The following WDR70 variants were observed in gnomAD, a reference collection of about 807,000 sequenced individuals.
The protein encoded by WDR70 is WD repeat-containing protein 70.
Under a neutral mutation model 88.6 loss-of-function variants are expected in WDR70, and 53 were observed. The ratio of observed to expected loss-of-function variants is 0.60; its 90% CI spans 0.48 to 0.75. The LOEUF is 0.75. Among genes scored for constraint, WDR70 ranks in the 30% least tolerant of loss-of-function variants. WDR70 has a pLI of 0.00. For missense variants in WDR70, 610 were observed against 823.2 expected (o/e 0.74, Z 3.17); for synonymous variants, 280 against 270.0 (o/e 1.04, Z -0.36).
chr5:37,699,643 C>T (rs1389125325), intron 11 of WDR70, among the ~76,000 whole-genome samples: 1 of 151,930 alleles, frequency 6.6e-6, no homozygotes, highest in Non-Finnish European at 1.5e-5. Context: ...AGATATGTAA[C>T]CTTTTTTTAA....
At chr5:37,602,194 T>C (rs1017425839) in intron 9 of WDR70, among the ~76,000 whole-genome samples, 2 of 151,998 alleles carry the variant, frequency 1.3e-5, no homozygotes, top group Non-Finnish European at 2.9e-5. Context: ...ATTCTGCACA[T>C]GTACCCCAGA....
intron 8 of WDR70, among the ~76,000 whole-genome samples, chr5:37,510,264 C>T (rs2112241158): frequency 6.6e-6 from 1 of 152,170 alleles, no homozygotes; most frequent in East Asian, 1.9e-4. Context: ...CTCCTCCATT[C>T]CTCCCTCAAC....
At chr5:37,703,163 T>TTC in intron 13 of WDR70, 76 bp downstream of exon 13, 1 of 1,550,962 alleles carries the variant, frequency 6.4e-7, no homozygotes, top group Non-Finnish European at 8.8e-7. Context: ...TTTTGTTTGT[T>TTC]AAGTAGAATA....
intron 8 of WDR70, among the ~76,000 whole-genome samples, chr5:37,494,872 A>G (rs1740169372): frequency 6.6e-6 from 1 of 152,258 alleles, no homozygotes; most frequent in Non-Finnish European, 1.5e-5. Context: ...TCCTTGATTT[A>G]TGCAAGCAAA....
intron 10 of WDR70, among the ~76,000 whole-genome samples, chr5:37,662,985 G>GT (rs1016127884): frequency 2.0e-5 from 3 of 152,154 alleles, no homozygotes; most frequent in African/African-American, 7.2e-5. Context: ...TTTTACATCT[G>GT]TTCCCACAAG....
chr5:37,514,754 C>G (rs1209743686), intron 8 of WDR70, among the ~76,000 whole-genome samples: 1 of 152,088 alleles, frequency 6.6e-6, no homozygotes, highest in Non-Finnish European at 1.5e-5. Flanking sequence ...CAGTGGCTCA[C>G]TCCTGTAATC....
chr5:37,588,730 C>T (rs1252434656), intron 9 of WDR70, among the ~76,000 whole-genome samples: 1 of 152,014 alleles, frequency 6.6e-6, no homozygotes, highest in Non-Finnish European at 1.5e-5. Context: ...GCATGCATTA[C>T]CACACCTGGC....
At chr5:37,722,038 G>A (rs1268764495) in intron 14 of WDR70, 1 of 152,180 alleles carries the variant, frequency 6.6e-6, no homozygotes, top group Non-Finnish European at 1.5e-5. Context: ...CTGAATAGAA[G>A]CAGACAGCCC....
intron 3 of WDR70, among the ~76,000 whole-genome samples, chr5:37,386,328 G>A (rs1003888541): frequency 1.1e-4 from 16 of 152,018 alleles, no homozygotes; most frequent in Admixed American, 3.9e-4. Flanking sequence ...TGGCTATGTC[G>A]GCTTTTTGTT....
At chr5:37,638,439 A>C (rs1745027600) in intron 10 of WDR70, among the ~76,000 whole-genome samples, 1 of 152,170 alleles carries the variant, frequency 6.6e-6, no homozygotes, top group South Asian at 2.1e-4. Flanking sequence ...AGCAGTACCT[A>C]CCTCCGGACT....
chr5:37,517,783 A>G (rs1378236493), intron 9 of WDR70, among the ~76,000 whole-genome samples: 1 of 151,048 alleles, frequency 6.6e-6, no homozygotes. Context: ...TAAAATGGGT[A>G]TCCATCTCCT....
At chr5:37,680,263 A>T (rs1746386828) in intron 10 of WDR70, among the ~76,000 whole-genome samples, 1 of 151,618 alleles carries the variant, frequency 6.6e-6, no homozygotes. Flanking sequence ...TTTTCTTGAA[A>T]ATTTGTTTAA....
intron 10 of WDR70, among the ~76,000 whole-genome samples, chr5:37,619,493 G>A (rs1300103056): frequency 6.6e-6 from 1 of 152,106 alleles, no homozygotes; most frequent in South Asian, 2.1e-4. Context: ...AGTGGACAAG[G>A]CCAAACATTA....
In WDR70 at chr5:37,658,060, C is replaced by A. The variant is rs532008503; in HGVS notation, c.1093-39595C>A. On this transcript the variant is annotated intron_variant, in intron 10 of 17. Transcript: ENST00000265107. ...AGTAAAGTAAGTAAAGTAAAGTAAG[C>A]TAAATGTTACTGTCATTAAGAAAAT... 4.0e-4 allele frequency among the ~76,000 whole-genome samples: 61 copies of A among 152,108 alleles called. 1 individual carries two copies. Among genetic ancestry groups the A allele is most frequent in the African/African-American group, 1.5e-3 (61 of 41,510 alleles).
chr5:37,551,073 G>T (rs1742129572), intron 9 of WDR70, among the ~76,000 whole-genome samples: 1 of 152,056 alleles, frequency 6.6e-6, no homozygotes, highest in Non-Finnish European at 1.5e-5. Flanking sequence ...GGGAGGCGAG[G>T]CAGGTGGATC....
At chr5:37,387,570 T>G (rs570118576) in intron 3 of WDR70, among the ~76,000 whole-genome samples, 9 of 152,252 alleles carry the variant, frequency 5.9e-5, no homozygotes, top group Admixed American at 5.9e-4. Context: ...CTACTTAGCT[T>G]TAGCATGTAA....
At chr5:37,526,177 C>T (rs2112289555) in intron 9 of WDR70, among the ~76,000 whole-genome samples, 1 of 152,052 alleles carries the variant, frequency 6.6e-6, no homozygotes, top group Middle Eastern at 3.4e-3. Context: ...AGAGACACAA[C>T]AAAAAAAGAG....
intron 9 of WDR70, among the ~76,000 whole-genome samples, chr5:37,535,953 T>C (rs866876149): frequency 1.1e-4 from 16 of 152,328 alleles, no homozygotes; most frequent in Middle Eastern, 3.4e-3. Context: ...TTTACAGATA[T>C]AGGCAGAAGA....
intron 9 of WDR70, among the ~76,000 whole-genome samples, chr5:37,590,296 C>T (rs897855459): frequency 1.3e-5 from 2 of 152,172 alleles, no homozygotes; most frequent in Non-Finnish European, 2.9e-5. Flanking sequence ...ATTTTTACCA[C>T]CAGCCCTGTG....
Sources: gnomAD v4.1 joint callset for allele counts (sites outside exome capture counted in the v4.1 genomes callset) on GRCh38, gnomAD v4.1.1 for gene constraint, MANE v1.5 for transcripts, NCBI Gene and HGNC (gene_info 2026-07-23, HGNC 2026-07-21) for gene names.